The following DOCK1 variants were observed in gnomAD, a reference collection of about 807,000 sequenced individuals.
DOCK1 encodes the protein dedicator of cytokinesis 1.
Under a neutral mutation model 262.7 loss-of-function variants are expected in DOCK1, and 138 were observed. That is an observed-to-expected ratio of 0.53 (90% CI 0.46 to 0.61). DOCK1 has a LOEUF of 0.61. Ranked by LOEUF, DOCK1 falls within the 20% of genes least tolerant of loss-of-function variation. The pLI is 0.00. For missense variants in DOCK1, 1,908 were observed against 2,370.7 expected (o/e 0.80, Z 4.05); for synonymous variants, 866 against 867.4 (o/e 1.00, Z 0.03).
chr10:126,911,043 A>G (rs2031686552), intron 1 of DOCK1, among the ~76,000 whole-genome samples: 1 of 152,120 alleles, frequency 6.6e-6, no homozygotes, highest in Non-Finnish European at 1.5e-5. Context: ...CTAAGTCTTC[A>G]TTTTCTGGGA....
chr10:127,118,639 T>C (rs927760056), intron 25 of DOCK1, among the ~76,000 whole-genome samples: 6 of 152,268 alleles, frequency 3.9e-5, no homozygotes, highest in African/African-American at 9.6e-5. Context: ...TTTTACTTGC[T>C]CTGTCACCTT....
chr10:127,078,785 C>G (rs116026309), intron 23 of DOCK1, among the ~76,000 whole-genome samples: 2 of 152,242 alleles, frequency 1.3e-5, no homozygotes, highest in African/African-American at 4.8e-5. Flanking sequence ...TTTACAGCAA[C>G]CTGGATGGAG....
At chr10:127,299,601 C>A (rs180895630) in intron 29 of DOCK1, among the ~76,000 whole-genome samples, 2 of 152,326 alleles carry the variant, frequency 1.3e-5, no homozygotes, top group East Asian at 3.9e-4. Flanking sequence ...GGGAGCATCG[C>A]CTTGCCAGCA....
chr10:127,131,237 AGGTAGAAC>A (rs1277597333), intron 27 of DOCK1, among the ~76,000 whole-genome samples: 2 of 152,168 alleles, frequency 1.3e-5, no homozygotes, highest in African/African-American at 4.8e-5. Context: ...GGAATGGAAG[AGGTAGAAC>A]AAACTTCCCA....
chr10:127,114,322 A>T (rs1214280729), intron 25 of DOCK1, among the ~76,000 whole-genome samples: 1 of 152,190 alleles, frequency 6.6e-6, no homozygotes, highest in East Asian at 1.9e-4. Flanking sequence ...GACCAGCTAC[A>T]CACATGTGTA....
intron 12 of DOCK1, among the ~76,000 whole-genome samples, chr10:127,016,938 CA>C (rs2041965812): frequency 6.9e-6 from 1 of 145,826 alleles, no homozygotes; most frequent in Non-Finnish European, 1.5e-5. Context: ...CACACACACA[CA>C]CCACAGACAC....
intron 1 of DOCK1, among the ~76,000 whole-genome samples, chr10:126,946,840 C>T (rs1367931004): frequency 1.3e-5 from 2 of 152,318 alleles, no homozygotes; most frequent in East Asian, 1.9e-4. Context: ...ATGGTTTCTT[C>T]CCAGCATTTG....
At chr10:127,075,625 G>GGGAA (rs1401550490) in intron 23 of DOCK1, among the ~76,000 whole-genome samples, 3 of 152,162 alleles carry the variant, frequency 2.0e-5, no homozygotes, top group Non-Finnish European at 2.9e-5. Context: ...GAAGACGAAG[G>GGGAA]GGAAGCAAGG....
chr10:127,297,997 C>T (rs1379799414), intron 29 of DOCK1, among the ~76,000 whole-genome samples: 1 of 152,112 alleles, frequency 6.6e-6, no homozygotes, highest in African/African-American at 2.4e-5. Context: ...TAATTAATCC[C>T]ACCAAACATA....
In DOCK1 at chr10:127,343,630, C is replaced by T. The variant is rs1410714447; in HGVS notation, c.3124-16C>T. 2 of 1,595,858 alleles carry T rather than the reference C, an allele frequency of 1.3e-6. No homozygotes were observed. Among genetic ancestry groups the T allele is most frequent in the Non-Finnish European group, 1.7e-6 (2 of 1,170,142 alleles). ...GCTGTTCAACAACTTAGCATCTCCT[C>T]CTTTTTGGTTTTCAGCTGTGGAACA... is the stretch of plus-strand genomic sequence containing the variant. On this transcript the variant is annotated splice_polypyrimidine_tract_variant and intron_variant, in intron 30 of 51. Coordinates refer to ENST00000623213, the MANE Select transcript of DOCK1 (RefSeq NM_001290223.2).
At position 127,362,242 on chromosome 10, in the gene DOCK1, G is replaced by A. The variant is rs370310024; in HGVS notation, c.3432+30G>A. On this transcript the variant is annotated intron_variant, in intron 33 of 51. Coordinates refer to ENST00000623213, the MANE Select transcript of DOCK1 (RefSeq NM_001290223.2). Reference sequence around the variant, plus strand: ...GGACGTAGATGTGCAGCGAGTGGCCGGGGGACATGAGGGAGGCAAACCTGA... The same window carrying A: ...GGACGTAGATGTGCAGCGAGTGGCCAGGGGACATGAGGGAGGCAAACCTGA... 2.9e-4 allele frequency: 470 copies of A among 1,600,064 alleles called. 1 individual carries two copies. The highest frequency in any genetic ancestry group is 7.8e-4 in the South Asian group (69 of 88,578).
chr10:127,073,702 T>G (rs2046360258), intron 23 of DOCK1, among the ~76,000 whole-genome samples: 1 of 152,224 alleles, frequency 6.6e-6, no homozygotes, highest in South Asian at 2.1e-4. Context: ...TAACCTTCTT[T>G]TAAGCAGGAG....
chr10:126,996,931 T>TTTTCAACATTAGTAAAG lies in DOCK1; in HGVS notation c.609+50_609+66dup, dbSNP rs769837763. 8 of 1,511,262 alleles carry TTTTCAACATTAGTAAAG rather than the reference T, an allele frequency of 5.3e-6. No homozygotes were observed. In the South Asian group the frequency reaches 1.1e-4, roughly 20 times the overall value. The allele number at this position is 1,511,262 out of a possible 1,614,324, so 93.6% of individuals were successfully genotyped here. ...CCATTCACGTTTTCTCAGTAATAAG[T>TTTTCAACATTAGTAAAG]TTTCAACATTAGTAAAGTATCAGTC... On this transcript the variant is annotated intron_variant, in intron 7 of 51. Coordinates refer to ENST00000623213, the MANE Select transcript of DOCK1 (RefSeq NM_001290223.2).
At chr10:126,972,323 A>T (rs1402781107) in intron 2 of DOCK1, among the ~76,000 whole-genome samples, 1 of 152,154 alleles carries the variant, frequency 6.6e-6, no homozygotes, top group East Asian at 1.9e-4. Flanking sequence ...TTTGCAAATA[A>T]TTTGAGCATG....
intron 1 of DOCK1, among the ~76,000 whole-genome samples, chr10:126,934,402 G>T (rs2034404830): frequency 6.6e-6 from 1 of 152,222 alleles, no homozygotes; most frequent in Admixed American, 6.5e-5. Context: ...ACACCACTGG[G>T]GCTCTGTTGC....
At chr10:127,258,560 G>A (rs921419188) in intron 29 of DOCK1, among the ~76,000 whole-genome samples, 4 of 152,198 alleles carry the variant, frequency 2.6e-5, no homozygotes, top group Admixed American at 6.5e-5. Context: ...GGACGTCTGG[G>A]CTATCCCCAG....
intron 4 of DOCK1, among the ~76,000 whole-genome samples, chr10:126,985,240 C>T (rs766472991): frequency 4.6e-5 from 7 of 152,120 alleles, no homozygotes; most frequent in South Asian, 2.1e-4. Context: ...TTTAGCCTCC[C>T]GAAGTGTTGT....
intron 27 of DOCK1, among the ~76,000 whole-genome samples, chr10:127,133,585 G>A (rs990823593): frequency 1.4e-4 from 22 of 152,202 alleles, no homozygotes; most frequent in African/African-American, 5.1e-4. Context: ...CTGTGACCCT[G>A]GTATTTTTTC....
chr10:127,251,252 T>A (rs536049519), intron 28 of DOCK1, among the ~76,000 whole-genome samples: 1 of 152,290 alleles, frequency 6.6e-6, no homozygotes, highest in African/African-American at 2.4e-5. Context: ...GTGCTGGGAT[T>A]ACAGGCATGA....
Sources: allele counts gnomAD v4.1 joint callset (sites outside exome capture counted in the v4.1 genomes callset), GRCh38; gene constraint gnomAD v4.1.1; transcripts MANE v1.5; gene names NCBI Gene and HGNC (gene_info 2026-07-23, HGNC 2026-07-21).